The following NARF variants were observed in gnomAD, a reference collection of about 807,000 sequenced individuals.
NARF encodes the protein iron-only hydrogenase-like protein 2.
In NARF, 41 loss-of-function variants were observed where a neutral mutation model predicts 48.0. The ratio of observed to expected loss-of-function variants is 0.85; its 90% CI spans 0.66 to 1.11. NARF has a LOEUF of 1.11. Ranked by LOEUF, NARF falls within the 50% of genes least tolerant of loss-of-function variation. The probability of loss-of-function intolerance (pLI) is 0.00; values close to 1 mark genes in which losing one functional copy is unlikely to be tolerated. For synonymous variants in NARF, 215 were observed against 225.5 expected (o/e 0.95, Z 0.42); for missense variants, 613 against 590.2 (o/e 1.04, Z -0.40).
rs1432706882 is a variant in NARF, at chr17:82,472,561, C to T, written c.386-3C>T. The T allele has an allele frequency of 3.7e-6, 6 of 1,608,294 alleles. No homozygotes were observed. In the East Asian group the frequency reaches 6.8e-5, roughly 18 times the overall value. On this transcript the variant is annotated splice_polypyrimidine_tract_variant and splice_region_variant and intron_variant, in intron 4 of 10. Coordinates refer to ENST00000309794, the MANE Select transcript of NARF (RefSeq NM_012336.4). Reference sequence around the variant, plus strand: ...AAGCTGAATATGCTCCTCTCTCCTGCAGGGGTGCACTATGTATTTGATACG... The same window carrying T: ...AAGCTGAATATGCTCCTCTCTCCTGTAGGGGTGCACTATGTATTTGATACG...
At position 82,490,423 on chromosome 17, in the gene NARF, G is replaced by A. The variant is rs570788658; in HGVS notation, c.*2266G>A. The A allele has an allele frequency of 1.3e-5, 2 of 152,450 alleles. No homozygotes were observed. Among genetic ancestry groups the A allele is most frequent in the East Asian group, 3.9e-4 (2 of 5,194 alleles). The allele number at this position is 152,450 out of a possible 1,614,324, so 9.4% of individuals were successfully genotyped here. On this transcript the variant is annotated 3_prime_UTR_variant, in exon 11 of 11. Transcript: ENST00000309794. ...ATAACTGCATATATTGTGTTGCGTT[G>A]CCTGTCTTGCTGGATAACTGCATAT...
chr17:82,478,805 G>A lies in NARF; in HGVS notation c.526G>A (p.Val176Ile), dbSNP rs2043893662. 1 of 1,613,492 alleles carries A rather than the reference G, an allele frequency of 6.2e-7. No individual in the cohort carries two copies. Among genetic ancestry groups the A allele is most frequent in the South Asian group, 1.1e-5 (1 of 91,016 alleles). Residue 176 changes from valine to isoleucine, a missense_variant, in exon 6 of 11, where the codon GTC (valine) becomes ATC (isoleucine). Val to Ile is a conservative substitution (Grantham distance 29). Transcript: ENST00000309794. ...TGGATCCCTTCTCTCCCCAGGCTGG[G>A]TCCGATACGCCGAGCGGGTGCTGGG... is the stretch of plus-strand genomic sequence containing the variant. ...PMLTSACPGW[V>I]RYAERVLGRP...
At chr17:82,460,197 G>A in intron 2 of NARF, 125 bp downstream of exon 2, 2 of 768,924 alleles carry the variant, frequency 2.6e-6, no homozygotes, top group East Asian at 3.0e-5. Flanking sequence ...GGGCATGGTG[G>A]CTCACGCCTG....
chr17:82,458,944 G>A (rs1022094960), intron 1 of NARF, 114 bp downstream of exon 1: 3 of 1,228,070 alleles, frequency 2.4e-6, no homozygotes, highest in Admixed American at 4.3e-5. Flanking sequence ...TCTTCAAGGC[G>A]CCCCCGGCCT....
At chr17:82,486,656 T>C (rs1198215926) in intron 10 of NARF, among the ~76,000 whole-genome samples, 1 of 151,836 alleles carries the variant, frequency 6.6e-6, no homozygotes, top group East Asian at 1.9e-4. Context: ...AGGTGGGCCG[T>C]GAAGCAGGGC....
rs143347926 is a variant in NARF, at chr17:82,484,915, C to G, written c.936C>G (p.Asn312Lys). The change falls in exon 9 of 11, where the codon AAC becomes AAG. Residue 312 changes from asparagine to lysine, a missense_variant. Transcript: ENST00000309794. The stretch of plus-strand genomic sequence containing the variant: ...GACATGCGGCCAAGGAGCTGTTCAA[C>G]GAGGATGTGGAGGAGGTCACTTACC... ...IFRHAAKELF[N>K]EDVEEVTYRA... The G allele has an allele frequency of 5.6e-6, 9 of 1,612,846 alleles. No individual in the cohort carries two copies. The highest frequency in any genetic ancestry group is 7.6e-6 in the Non-Finnish European group (9 of 1,179,394).
intron 9 of NARF, 144 bp downstream of exon 9, chr17:82,485,094 C>G: frequency 8.9e-7 from 1 of 1,129,466 alleles, no homozygotes; most frequent in Non-Finnish European, 1.2e-6. Flanking sequence ...TTTATTCAGA[C>G]CTTTTATTTT....
intron 10 of NARF, 128 bp from the exon 11 acceptor site, chr17:82,487,788 C>CCAAAAAG: frequency 3.9e-6 from 3 of 759,776 alleles, no homozygotes; most frequent in East Asian, 3.4e-5. Context: ...CCCTCCCGCC[C>CCAAAAAG]AATCTCTACA....
At position 82,490,464 on chromosome 17, in the gene NARF, G is replaced by GT. The variant is rs1272832588; in HGVS notation, c.*2308dup. ...AACTGCATATATTGTGTTCAGTTGTGTATTTGTTTTGCTTTCAGTCTATAT... is the reference window on the plus strand; with the variant it reads ...AACTGCATATATTGTGTTCAGTTGTGTTATTTGTTTTGCTTTCAGTCTATAT... On this transcript the variant is annotated 3_prime_UTR_variant, in exon 11 of 11. Transcript: ENST00000309794. 6.6e-6 allele frequency: 1 copy of GT among 152,278 alleles called. No individual in the cohort carries two copies. The highest frequency in any genetic ancestry group is 1.5e-5 in the Non-Finnish European group (1 of 68,058). 9.4% of individuals were successfully genotyped at this position (152,278 alleles called of 1,614,324 possible).
intron 6 of NARF, chr17:82,480,289 G>GCACACACACACA (rs3068087): frequency 6.6e-5 from 25 of 377,252 alleles, no homozygotes; most frequent in African/African-American, 4.7e-4. Context: ...GCCAGCGCGC[G>GCACACACACACA]CACACACACA....
chr17:82,460,104 A>G (rs1246956575), intron 2 of NARF, 32 bp downstream of exon 2: 3 of 1,568,042 alleles, frequency 1.9e-6, no homozygotes, highest in Non-Finnish European at 2.6e-6. Context: ...GTATCAGCCC[A>G]GAGTAAACTA....
In NARF at chr17:82,487,959, T is replaced by A; in HGVS notation, c.1173T>A (p.His391Gln). The A allele has an allele frequency of 6.2e-7, 1 of 1,614,202 alleles. No homozygotes were observed. Among genetic ancestry groups the A allele is most frequent in the Non-Finnish European group, 8.5e-7 (1 of 1,180,040 alleles). Residue 391 changes from histidine (H) to glutamine (Q), a missense_variant, in exon 11 of 11, where the codon CAT (histidine) becomes CAA (glutamine). Coordinates refer to ENST00000309794, the MANE Select transcript of NARF (RefSeq NM_012336.4). ...GRGQAQTPDGHADKALLRQME... is the reference protein window; with the variant it reads ...GRGQAQTPDGQADKALLRQME... ...GCCAAGCCCAGACTCCAGACGGACA[T>A]GCGGATAAGGCCCTGCTGCGGCAGA...
intron 5 of NARF, among the ~76,000 whole-genome samples, chr17:82,475,567 A>T (rs1338814718): frequency 1.3e-5 from 2 of 152,114 alleles, no homozygotes; most frequent in Non-Finnish European, 2.9e-5. Context: ...ACCGCACTCC[A>T]GCCTGGGTAA....
At chr17:82,458,673 G>C, upstream of NARF, 1 of 1,239,298 alleles carries the variant, frequency 8.1e-7, no homozygotes, top group Non-Finnish European at 1.1e-6. Flanking sequence ...CATTGGCCGA[G>C]CGCGGCCGTT....
intron 7 of NARF, 48 bp from the exon 8 acceptor site, chr17:82,483,668 C>G (rs1156503171): frequency 6.3e-7 from 1 of 1,584,992 alleles, no homozygotes; most frequent in Middle Eastern, 1.7e-4. Context: ...AAGAAAAGTT[C>G]CTGTGGCCAC....
At chr17:82,467,880 C>T (rs1016366566) in intron 3 of NARF, among the ~76,000 whole-genome samples, 2 of 152,256 alleles carry the variant, frequency 1.3e-5, no homozygotes, top group South Asian at 2.1e-4. Context: ...GTAGTAATTT[C>T]ACTTATTCAT....
rs773606873 is a variant in NARF at position 82,458,746 on chromosome 17, A to C, written c.-58A>C. On this transcript the variant is annotated 5_prime_UTR_variant, in exon 1 of 11. Transcript: ENST00000309794. The stretch of plus-strand genomic sequence containing the variant: ...CGCGGGCGGCGGGCAGTGGTGTCCC[A>C]GTCTCCCGGTGCTTCCCTGAGGCTG... 4 of 1,474,624 alleles carry C rather than the reference A, an allele frequency of 2.7e-6. No homozygotes were observed. The highest frequency in any genetic ancestry group is 3.6e-6 in the Non-Finnish European group (4 of 1,119,570). 91.3% of individuals were successfully genotyped at this position (1,474,624 alleles called of 1,614,324 possible).
At chr17:82,485,396 G>C in intron 9 of NARF, 101 bp from the exon 10 acceptor site, 2 of 1,350,054 alleles carry the variant, frequency 1.5e-6, no homozygotes, top group Non-Finnish European at 2.0e-6. Flanking sequence ...ACTCCAGCCT[G>C]GGCAACAGAG....
intron 3 of NARF, among the ~76,000 whole-genome samples, chr17:82,465,795 T>A (rs1320666819): frequency 6.6e-6 from 1 of 152,164 alleles, no homozygotes; most frequent in Non-Finnish European, 1.5e-5. Context: ...TGAACTCCTG[T>A]GCTCAAGCGA....
Sources: gnomAD v4.1 joint callset for allele counts (sites outside exome capture counted in the v4.1 genomes callset) on GRCh38, gnomAD v4.1.1 for gene constraint, MANE v1.5 for transcripts, NCBI Gene and HGNC (gene_info 2026-07-23, HGNC 2026-07-21) for gene names.